The following ADGRD1 variants were observed in gnomAD, a reference collection of about 807,000 sequenced individuals.
The protein encoded by ADGRD1 is adhesion G protein-coupled receptor D1, also known as G-protein coupled receptor 133.
A neutral mutation model predicts 113.4 loss-of-function variants in ADGRD1; 77 were observed. That is an observed-to-expected ratio of 0.68 (90% CI 0.57 to 0.82). The LOEUF (loss-of-function observed/expected upper bound fraction) is 0.82, where lower values mean the gene tolerates loss of function less well. Ranked by LOEUF, ADGRD1 falls within the 40% of genes least tolerant of loss-of-function variation. The pLI is 0.00. For missense variants in ADGRD1, 1,036 were observed against 1,139.1 expected, an observed-to-expected ratio of 0.91 and a Z score of 1.30; for synonymous variants, 474 against 475.0, an observed-to-expected ratio of 1.00 and a Z score of 0.03.
chr12:131,126,973 C>T (rs374963597), intron 20 of ADGRD1, among the ~76,000 whole-genome samples: 6 of 152,074 alleles, frequency 3.9e-5, no homozygotes, highest in African/African-American at 9.7e-5. Flanking sequence ...TTGTGCCACT[C>T]GCAGCCAAAG....
intron 15 of ADGRD1, among the ~76,000 whole-genome samples, chr12:131,093,350 T>C (rs1725830): frequency 0.91 from 138,940 of 152,188 alleles, 64,828 homozygotes; most frequent in East Asian, 1. Flanking sequence ...AATCTAGCTA[T>C]GGGTGGGAAA....
At chr12:131,013,975 C>G (rs1241630308) in intron 12 of ADGRD1, among the ~76,000 whole-genome samples, 1 of 152,234 alleles carries the variant, frequency 6.6e-6, no homozygotes, top group African/African-American at 2.4e-5. Flanking sequence ...GATAAGAATT[C>G]AAGGGACAGA....
In ADGRD1 at chr12:131,003,551, A is replaced by T. The variant is rs1388985045; in HGVS notation, c.1144+249A>T. ...GGAGCCAAGCTCCTGCCCTGGGATG[A>T]TGGTCTCGGTTCAGAGCAGGAGGCA... On this transcript the variant is annotated intron_variant, in intron 10 of 24. Transcript: ENST00000261654. This position sits in a 1 kb window ranked among gnomAD's most constrained non-coding sequence, Gnocchi z 4.8. 6.6e-6 allele frequency among the ~76,000 whole-genome samples: 1 copy of T among 152,142 alleles called. No homozygotes were observed. Among genetic ancestry groups the T allele is most frequent in the Non-Finnish European group, 1.5e-5 (1 of 68,016 alleles).
chr12:130,983,704 A>G (rs531363622), intron 5 of ADGRD1, among the ~76,000 whole-genome samples: 25 of 152,324 alleles, frequency 1.6e-4, no homozygotes, highest in African/African-American at 6.0e-4. Context: ...CTAGGGTCCA[A>G]GCGTGCTCCA....
At chr12:131,043,116 A>C (rs752386615) in intron 13 of ADGRD1, among the ~76,000 whole-genome samples, 8 of 152,204 alleles carry the variant, frequency 5.3e-5, no homozygotes, top group Non-Finnish European at 7.4e-5. Flanking sequence ...AGCAAAGAGC[A>C]AAGTGCAGGG....
intron 15 of ADGRD1, among the ~76,000 whole-genome samples, chr12:131,089,025 T>G (rs532022772): frequency 4.8e-4 from 73 of 152,290 alleles, no homozygotes; most frequent in Non-Finnish European, 8.2e-4. Flanking sequence ...GACCACCCTC[T>G]GAGCAGCCCC....
chr12:131,055,400 CG>C (rs1883774016), intron 13 of ADGRD1, among the ~76,000 whole-genome samples: 1 of 152,190 alleles, frequency 6.6e-6, no homozygotes, highest in Non-Finnish European at 1.5e-5. Flanking sequence ...CTTCAGCGTT[CG>C]GGATGGGCTC....
chr12:131,007,840 C>T (rs961850466), intron 12 of ADGRD1, among the ~76,000 whole-genome samples: 1 of 152,194 alleles, frequency 6.6e-6, no homozygotes, highest in African/African-American at 2.4e-5. Context: ...GTGAAGCTCT[C>T]TTCAGCACTT....
chr12:131,005,470 G>A (rs1876966462), intron 11 of ADGRD1, among the ~76,000 whole-genome samples: 1 of 152,240 alleles, frequency 6.6e-6, no homozygotes, highest in African/African-American at 2.4e-5. Context: ...AAGGCATACA[G>A]ACTTCCCAGT....
At chr12:131,069,679 A>G (rs1885003870) in intron 13 of ADGRD1, 1 of 152,556 alleles carries the variant, frequency 6.6e-6, no homozygotes, top group Non-Finnish European at 1.5e-5. Flanking sequence ...GCAGAAAGGT[A>G]GTTTATTGGA....
chr12:131,044,720 C>T (rs1253283522), intron 13 of ADGRD1, among the ~76,000 whole-genome samples: 1 of 152,182 alleles, frequency 6.6e-6, no homozygotes, highest in Non-Finnish European at 1.5e-5. Context: ...CATTGGAAAG[C>T]TCTGGGTGTG....
intron 2 of ADGRD1, among the ~76,000 whole-genome samples, chr12:130,959,981 G>A (rs1565981143): frequency 1.3e-5 from 2 of 152,164 alleles, no homozygotes; most frequent in Non-Finnish European, 2.9e-5. Flanking sequence ...GGCAGAGTCC[G>A]GGCCCCTCCC....
In ADGRD1 at chr12:131,003,869, C is replaced by T. The variant is rs566273974; in HGVS notation, c.1145-317C>T. ...GCGCTTGGGGAGGAGCCGATGTCAC[C>T]GCATCGCTGAGCACAGCCCATCCTT... On this transcript the variant is annotated intron_variant, in intron 10 of 24. Transcript: ENST00000261654. This position sits in a 1 kb window ranked among gnomAD's most constrained non-coding sequence, Gnocchi z 4.8. Among the ~76,000 whole-genome samples, 24 of 152,294 alleles carry T rather than the reference C, an allele frequency of 1.6e-4. No individual in the cohort carries two copies. The South Asian group carries it at 1.9e-3, about 12-fold the overall frequency.
chr12:131,067,251 G>C (rs569604663), intron 13 of ADGRD1, among the ~76,000 whole-genome samples: 2 of 152,354 alleles, frequency 1.3e-5, no homozygotes, highest in South Asian at 4.1e-4. Flanking sequence ...AGGTGGGGAA[G>C]CTGCATTGGT....
chr12:131,011,221 T>C (rs4759536), intron 12 of ADGRD1, among the ~76,000 whole-genome samples: 100,519 of 143,248 alleles, frequency 0.7, 35,538 homozygotes, highest in East Asian at 0.83. Context: ...CCACCTTTAC[T>C]GGAGGAAAAT....
At position 130,966,580 on chromosome 12, in the gene ADGRD1, G is replaced by C. The variant is rs200750779; in HGVS notation, c.187+34G>C. On this transcript the variant is annotated intron_variant, in intron 3 of 24. Transcript: ENST00000261654. The surrounding 1 kb of genome is among the most constrained non-coding windows in gnomAD (Gnocchi z 4.6). ...GCGGGTGCTGAGAGCGGCTGTGGGC[G>C]CGGGAATCCCAGGGCCATCAGGAGG... is the stretch of plus-strand genomic sequence containing the variant. 1.5e-6 allele frequency: 2 copies of C among 1,368,334 alleles called. No individual in the cohort carries two copies. Among genetic ancestry groups the C allele is most frequent in the Non-Finnish European group, 2.1e-6 (2 of 956,204 alleles). 84.8% of individuals were successfully genotyped at this position (1,368,334 alleles called of 1,614,324 possible). A position where few individuals can be genotyped will look rare whatever the true frequency, so the allele number is the denominator to read the frequency against.
At chr12:131,076,951 G>C (rs1340734873) in intron 14 of ADGRD1, 77 bp downstream of exon 14, 23 of 1,162,062 alleles carry the variant, frequency 2.0e-5, no homozygotes, top group Non-Finnish European at 3.0e-5. Flanking sequence ...CCCAGGGGAG[G>C]ATCTGGGTCA....
At chr12:131,023,469 G>A (rs1199291775) in intron 13 of ADGRD1, 1 of 5,554 alleles carries the variant, frequency 1.8e-4, no homozygotes, top group African/African-American at 1.9e-4. Context: ...GGTCCCATTC[G>A]TGTGTGTGTG....
intron 18 of ADGRD1, among the ~76,000 whole-genome samples, chr12:131,117,132 G>A (rs1164020610): frequency 6.6e-6 from 1 of 152,258 alleles, no homozygotes; most frequent in Non-Finnish European, 1.5e-5. Flanking sequence ...CCTACAAGTA[G>A]TGTGGCCATA....
Sources: gnomAD v4.1 joint callset for allele counts (sites outside exome capture counted in the v4.1 genomes callset) on GRCh38, gnomAD v4.1.1 for gene constraint, Gnocchi (gnomAD v3.1) non-coding constraint, MANE v1.5 for transcripts, NCBI Gene and HGNC (gene_info 2026-07-23, HGNC 2026-07-21) for gene names.